UGT1A9: variants seen among roughly 807,000 people sequenced by gnomAD.
UGT1A9 encodes UDP-glucuronosyltransferase 1A9.
In UGT1A9, 35 loss-of-function variants were observed where a neutral mutation model predicts 45.0. The ratio of observed to expected loss-of-function variants is 0.78; its 90% CI spans 0.59 to 1.03. The LOEUF (loss-of-function observed/expected upper bound fraction) is 1.03, where lower values mean the gene tolerates loss of function less well. Among genes scored for constraint, UGT1A9 ranks in the 50% least tolerant of loss-of-function variants. The pLI, the probability that UGT1A9 is intolerant of heterozygous loss-of-function variation, is 0.00. For synonymous variants in UGT1A9, 278 were observed against 250.6 expected, an observed-to-expected ratio of 1.11 and a Z score of -1.03; for missense variants, 687 against 666.6, an observed-to-expected ratio of 1.03 and a Z score of -0.34.
intron 1 of UGT1A9, among the ~76,000 whole-genome samples, chr2:233,694,677 G>C (rs910499243): frequency 6.6e-6 from 1 of 152,150 alleles, no homozygotes; most frequent in African/African-American, 2.4e-5. Context: ...GCCTCAAACA[G>C]GTCCCAAAGA....
At chr2:233,718,727 A>G in intron 1 of UGT1A9, 1 of 1,610,864 alleles carries the variant, frequency 6.2e-7, no homozygotes, top group Non-Finnish European at 8.5e-7. Context: ...CTGATTTGCT[A>G]GGTGGCTCAA....
intron 1 of UGT1A9, among the ~76,000 whole-genome samples, chr2:233,676,363 A>C (rs2074357539): frequency 6.6e-6 from 1 of 152,206 alleles, no homozygotes; most frequent in Admixed American, 6.5e-5. Context: ...ATAGGATTAT[A>C]GCAAGGTTAC....
chr2:233,743,385 C>T, intron 1 of UGT1A9: 1 of 1,211,156 alleles, frequency 8.3e-7, no homozygotes, highest in Non-Finnish European at 1.1e-6. Flanking sequence ...TACCGTAGGA[C>T]ATGCAGAAGG....
chr2:233,694,260 G>A (rs7592624), intron 1 of UGT1A9, among the ~76,000 whole-genome samples: 87,410 of 151,760 alleles, frequency 0.58, 25,440 homozygotes, highest in South Asian at 0.64. Flanking sequence ...AGGGACCAGC[G>A]AACTACAGCC....
intron 1 of UGT1A9, 122 bp from the exon 2 acceptor site, chr2:233,766,912 T>C: frequency 6.5e-7 from 1 of 1,532,250 alleles, no homozygotes; most frequent in African/African-American, 1.4e-5. Context: ...TTTTACTCTA[T>C]CTCAAACACG....
rs1430980091 is a variant in UGT1A9 at position 233,768,314 on chromosome 2, G to A, written c.1170G>A (p.Leu390=). ...CNGVPMVMMP[L]FGDQMDNAKR... is the part of the protein sequence containing the mutation. ...GCGTTCCCATGGTGATGATGCCCTTGTTTGGTGATCAGATGGACAATGCAA... is the reference window on the plus strand; with the variant it reads ...GCGTTCCCATGGTGATGATGCCCTTATTTGGTGATCAGATGGACAATGCAA... The change falls in exon 4 of 5, where the codon TTG becomes TTA. Residue 390 remains leucine (L), a synonymous_variant. Transcript: ENST00000354728. 1.9e-5 allele frequency: 31 copies of A among 1,614,180 alleles called. No homozygotes were observed. Among genetic ancestry groups the A allele is most frequent in the Non-Finnish European group, 2.6e-5 (31 of 1,180,040 alleles).
intron 1 of UGT1A9, chr2:233,690,698 A>G (rs1327185756): frequency 8.1e-7 from 1 of 1,235,234 alleles, no homozygotes; most frequent in Non-Finnish European, 1.0e-6. Context: ...GCTACTCTTT[A>G]GGGATCGTCA....
intron 1 of UGT1A9, among the ~76,000 whole-genome samples, chr2:233,705,440 G>C (rs72986482): frequency 6.6e-6 from 1 of 152,136 alleles, no homozygotes; most frequent in Admixed American, 6.5e-5. Flanking sequence ...TTATCCTTCA[G>C]AATTGCACAT....
chr2:233,692,244 C>G (rs1287404440), intron 1 of UGT1A9: 1 of 152,330 alleles, frequency 6.6e-6, no homozygotes, highest in Non-Finnish European at 1.5e-5. Flanking sequence ...CATGGCCATA[C>G]CCCCATATCT....
At chr2:233,718,604 T>G (rs1205248797) in intron 1 of UGT1A9, among the ~76,000 whole-genome samples, 1 of 152,226 alleles carries the variant, frequency 6.6e-6, no homozygotes, top group East Asian at 1.9e-4. Flanking sequence ...CAGATGAGCT[T>G]TTCAAGATAG....
At chr2:233,674,648 CTT>C (rs58008965) in intron 1 of UGT1A9, among the ~76,000 whole-genome samples, 69,204 of 151,898 alleles carry the variant, frequency 0.46, 16,832 homozygotes, top group South Asian at 0.57. Flanking sequence ...TTATAAATAT[CTT>C]TTATGAGATA....
At chr2:233,747,348 G>A (rs1230445654) in intron 1 of UGT1A9, 17 of 1,603,310 alleles carry the variant, frequency 1.1e-5, no homozygotes, top group African/African-American at 4.0e-5. Context: ...TCGCATGCGG[G>A]AGGCCGTGCG....
At chr2:233,709,811 T>C (rs1202095229) in intron 1 of UGT1A9, among the ~76,000 whole-genome samples, 2 of 152,254 alleles carry the variant, frequency 1.3e-5, no homozygotes, top group Admixed American at 6.5e-5. Context: ...TTCTGAGTTG[T>C]AATGATTTTA....
chr2:233,705,759 G>T (rs2125601596), intron 1 of UGT1A9, among the ~76,000 whole-genome samples: 1 of 152,288 alleles, frequency 6.6e-6, no homozygotes. Context: ...CAGATCAGCT[G>T]CATACTTTGA....
intron 1 of UGT1A9, among the ~76,000 whole-genome samples, chr2:233,739,630 G>A (rs535320958): frequency 6.6e-6 from 1 of 152,302 alleles, no homozygotes; most frequent in African/African-American, 2.4e-5. Context: ...CATTTGAAAT[G>A]GGAACATTTA....
At chr2:233,743,140 A>C (rs1692212499) in intron 1 of UGT1A9, 1 of 356,854 alleles carries the variant, frequency 2.8e-6, no homozygotes, top group African/African-American at 2.2e-5. Flanking sequence ...ATCCTAAAAA[A>C]AGTCCGCTAT....
chr2:233,695,874 AG>A (rs2075311713), intron 1 of UGT1A9, among the ~76,000 whole-genome samples: 1 of 152,216 alleles, frequency 6.6e-6, no homozygotes, highest in Admixed American at 6.5e-5. Flanking sequence ...CAAACAACGC[AG>A]AAAACTTCAG....
Position 233,677,103 on chromosome 2 carries a change from G to T in UGT1A9, c.855+4314G>T, listed in dbSNP as rs28970013. On this transcript the variant is annotated intron_variant, in intron 1 of 4. Coordinates refer to ENST00000354728, the MANE Select transcript of UGT1A9 (RefSeq NM_021027.3). ...CAAAAATCCTGCTAGGATTTTGATT[G>T]GGATTGTATTTTATTTATAGATCAA... Among the ~76,000 whole-genome samples, 549 of 152,062 alleles carry T rather than the reference G, an allele frequency of 3.6e-3. 6 individuals carry two copies. The highest frequency in any genetic ancestry group is 0.013 in the African/African-American group (525 of 41,468).
intron 1 of UGT1A9, among the ~76,000 whole-genome samples, chr2:233,748,852 G>A (rs1236663773): frequency 6.6e-6 from 1 of 151,452 alleles, no homozygotes; most frequent in Non-Finnish European, 1.5e-5. Flanking sequence ...GAGCGTATAA[G>A]CCCAGTTAAG....
Sources: allele counts gnomAD v4.1 joint callset (sites outside exome capture counted in the v4.1 genomes callset), GRCh38; gene constraint gnomAD v4.1.1; transcripts MANE v1.5; gene names NCBI Gene and HGNC (gene_info 2026-07-23, HGNC 2026-07-21).